Variants in CEP112 observed in about 807,000 individuals in gnomAD.
CEP112 encodes the protein centrosomal protein of 112 kDa.
CEP112 carries 127 observed loss-of-function variants against 153.0 expected under a neutral mutation model. The observed-to-expected ratio is 0.83, with a 90% CI of 0.72 to 0.96. The LOEUF (loss-of-function observed/expected upper bound fraction) is 0.96. Ranked by LOEUF, CEP112 falls within the 40% of genes least tolerant of loss-of-function variation. The probability of loss-of-function intolerance (pLI) is 0.00; values close to 1 mark genes in which losing one functional copy is unlikely to be tolerated. For missense variants in CEP112, 1,089 were observed against 1,101.2 expected (o/e 0.99, Z 0.16); for synonymous variants, 358 against 374.4 (o/e 0.96, Z 0.51).
intron 21 of CEP112, among the ~76,000 whole-genome samples, chr17:65,774,475 C>A (rs1430395483): frequency 6.6e-6 from 1 of 152,184 alleles, no homozygotes; most frequent in African/African-American, 2.4e-5. Context: ...AGCGTGTGTT[C>A]AAGCTGGCCA....
chr17:65,798,418 C>T (rs76903975), intron 21 of CEP112, among the ~76,000 whole-genome samples: 3,197 of 152,248 alleles, frequency 0.021, 42 homozygotes, highest in Non-Finnish European at 0.03. Context: ...CAGTAAGATC[C>T]ACCATGCATC....
intron 20 of CEP112, among the ~76,000 whole-genome samples, chr17:65,893,652 A>C (rs2059556974): frequency 6.6e-6 from 1 of 152,134 alleles, no homozygotes; most frequent in Admixed American, 6.6e-5. Context: ...CTTTCTACTT[A>C]ATGACAATAT....
At position 65,994,663 on chromosome 17, in the gene CEP112, C is replaced by A. The variant is rs370070342; in HGVS notation, c.1736+11027G>T. On this transcript the variant is annotated intron_variant, in intron 17 of 26. Coordinates refer to ENST00000535342, the MANE Select transcript of CEP112 (RefSeq NM_001199165.4). ...CTTCTAATAGGAATTTTGTCCACAA[C>A]GTACAGAAAAATAGTTCTAGGAGAA... 4.6e-5 allele frequency among the ~76,000 whole-genome samples: 7 copies of A among 152,152 alleles called. No individual in the cohort carries two copies. The East Asian group carries it at 1.4e-3, about 29-fold the overall frequency.
intron 12 of CEP112, among the ~76,000 whole-genome samples, chr17:66,049,208 T>G (rs2066339482): frequency 6.6e-6 from 1 of 151,802 alleles, no homozygotes; most frequent in African/African-American, 2.4e-5. Flanking sequence ...GGACCTAGTC[T>G]TCCAGGTTTT....
At chr17:65,821,530 ATATATATATATTTTTTT>A (rs2056566092) in intron 21 of CEP112, among the ~76,000 whole-genome samples, 2 of 24,608 alleles carry the variant, frequency 8.1e-5, no homozygotes, top group African/African-American at 3.1e-4. Flanking sequence ...ATATATATAT[ATATATATATATTTTTTT>A]TTTTTTTTTT....
chr17:66,094,359 A>G (rs933488697), intron 8 of CEP112, among the ~76,000 whole-genome samples: 4 of 152,100 alleles, frequency 2.6e-5, no homozygotes, highest in Non-Finnish European at 4.4e-5. Context: ...ATGCTTGGCC[A>G]GGTCAACTGA....
At position 65,649,212 on chromosome 17, in the gene CEP112, C is replaced by CT. The variant is rs1402533775; in HGVS notation, c.2698-8148dup. 8.5e-5 allele frequency among the ~76,000 whole-genome samples: 13 copies of CT among 152,328 alleles called. 1 individual carries two copies. In the South Asian group the frequency reaches 2.5e-3, roughly 29 times the overall value. Reference sequence around the variant, plus strand: ...AAAACTAAGATGGAAATGTGCAGCTCTGTGCAATCAGCTTAGGCACAGGCC... The same window carrying CT: ...AAAACTAAGATGGAAATGTGCAGCTCTTGTGCAATCAGCTTAGGCACAGGCC... On this transcript the variant is annotated intron_variant, in intron 24 of 26. Coordinates refer to ENST00000535342, the MANE Select transcript of CEP112 (RefSeq NM_001199165.4).
chr17:65,899,259 T>C (rs1304382729), intron 20 of CEP112, among the ~76,000 whole-genome samples: 1 of 152,146 alleles, frequency 6.6e-6, no homozygotes, highest in Non-Finnish European at 1.5e-5. Flanking sequence ...CTTAAACATA[T>C]GACCTTAGAT....
chr17:65,881,626 A>T (rs1329520546), intron 20 of CEP112, among the ~76,000 whole-genome samples: 1 of 152,224 alleles, frequency 6.6e-6, no homozygotes, highest in East Asian at 1.9e-4. Flanking sequence ...CATGGATAAA[A>T]AGAACAAGTG....
chr17:65,941,405 A>C (rs2061500890), intron 18 of CEP112: 1 of 152,218 alleles, frequency 6.6e-6, no homozygotes, highest in South Asian at 2.1e-4. Flanking sequence ...GTAAATAACA[A>C]CTGATATTAT....
At chr17:66,126,966 A>G (rs1598401960) in intron 6 of CEP112, among the ~76,000 whole-genome samples, 1 of 152,198 alleles carries the variant, frequency 6.6e-6, no homozygotes, top group Admixed American at 6.5e-5. Flanking sequence ...AATCAAAGCA[A>G]AATCTAAGCT....
chr17:66,118,305 T>A (rs965240651), intron 6 of CEP112, among the ~76,000 whole-genome samples: 35 of 152,178 alleles, frequency 2.3e-4, no homozygotes, highest in Non-Finnish European at 4.4e-5. Context: ...GAATCAATCT[T>A]ATTGCCCATC....
chr17:66,146,358 A>T (rs1377273258), intron 4 of CEP112, among the ~76,000 whole-genome samples: 3 of 152,068 alleles, frequency 2.0e-5, no homozygotes, highest in African/African-American at 7.2e-5. Flanking sequence ...TCTTTCAAGC[A>T]GTGTGTCTAT....
chr17:66,102,439 T>C (rs1292341857), intron 6 of CEP112, among the ~76,000 whole-genome samples: 1 of 152,200 alleles, frequency 6.6e-6, no homozygotes, highest in East Asian at 1.9e-4. Context: ...ATGAAAATAA[T>C]ATATTGTGGA....
At chr17:65,715,764 T>C (rs1181692281) in intron 23 of CEP112, among the ~76,000 whole-genome samples, 1 of 152,038 alleles carries the variant, frequency 6.6e-6, no homozygotes, top group African/African-American at 2.4e-5. Context: ...AAATTTTAAG[T>C]GTAGTGTAGA....
intron 4 of CEP112, among the ~76,000 whole-genome samples, chr17:66,158,713 G>A (rs2146740340): frequency 6.6e-6 from 1 of 152,314 alleles, no homozygotes; most frequent in East Asian, 1.9e-4. Context: ...CGTTTAGAGG[G>A]AAATTTATAG....
intron 21 of CEP112, among the ~76,000 whole-genome samples, chr17:65,830,110 G>A (rs949622345): frequency 6.6e-6 from 1 of 152,166 alleles, no homozygotes; most frequent in East Asian, 1.9e-4. Flanking sequence ...AAGTTGAAAG[G>A]ATCAAAAGAT....
chr17:66,053,907 T>C lies in CEP112; in HGVS notation c.1075-28A>G, dbSNP rs1316758168. 13 of 1,586,322 alleles carry C rather than the reference T, an allele frequency of 8.2e-6. No homozygotes were observed. In the East Asian group the frequency reaches 2.9e-4, roughly 36 times the overall value. Reference sequence around the variant, plus strand: ...ACATCAGGAAATCAAGAGTTGACTCTTTTACTACTATGGAATTGACTATTT... The same window carrying C: ...ACATCAGGAAATCAAGAGTTGACTCCTTTACTACTATGGAATTGACTATTT... On this transcript the variant is annotated intron_variant, in intron 11 of 26. Coordinates refer to ENST00000535342, the MANE Select transcript of CEP112 (RefSeq NM_001199165.4).
chr17:65,842,347 C>G lies in CEP112; in HGVS notation c.2394+9457G>C, dbSNP rs529390737. ...TTTTCTCCAAGTAAAACATAGTTTT[C>G]TAGCTTCAGACAACTAGACTTTGAA... is the stretch of plus-strand genomic sequence containing the variant. On this transcript the variant is annotated intron_variant, in intron 21 of 26. Transcript: ENST00000535342. Among the ~76,000 whole-genome samples the G allele has an allele frequency of 5.3e-5, 8 of 152,214 alleles. No homozygotes were observed. The South Asian group carries it at 1.0e-3, about 20-fold the overall frequency.
Sources: allele counts gnomAD v4.1 joint callset (sites outside exome capture counted in the v4.1 genomes callset), GRCh38; gene constraint gnomAD v4.1.1; transcripts MANE v1.5; gene names NCBI Gene and HGNC (gene_info 2026-07-23, HGNC 2026-07-21).